The following DIDO1 variants were observed in gnomAD, a reference collection of about 807,000 sequenced individuals.
DIDO1 encodes the protein death-inducer obliterator 1.
DIDO1 carries 16 observed loss-of-function variants against 99.4 expected under a neutral mutation model. The observed-to-expected ratio is 0.16, with a 90% CI of 0.11 to 0.24. DIDO1 has a LOEUF of 0.24. Among genes scored for constraint, DIDO1 ranks in the 10% least tolerant of loss-of-function variants. The pLI, the probability that DIDO1 is intolerant of heterozygous loss-of-function variation, is 1.00. For missense variants in DIDO1, 2,996 were observed against 3,014.0 expected (o/e 0.99, Z 0.14); for synonymous variants, 1,366 against 1,239.1 (o/e 1.10, Z -2.15).
chr20:62,922,669 T>C (rs1274128014), intron 1 of DIDO1, among the ~76,000 whole-genome samples: 1 of 152,188 alleles, frequency 6.6e-6, no homozygotes. Context: ...CTGTGCCAAA[T>C]CATCTGCGGC....
intron 4 of DIDO1, 76 bp downstream of exon 4, chr20:62,909,622 AG>A: frequency 6.4e-7 from 1 of 1,556,238 alleles, no homozygotes; most frequent in Non-Finnish European, 8.7e-7. Flanking sequence ...CCGTCCTGGG[AG>A]GAATTTCTAT....
Position 62,895,106 on chromosome 20 carries a change from C to T in DIDO1, c.2274G>A (p.Lys758=). The change falls in exon 9 of 16, where the codon AAG becomes AAA. Residue 758 remains lysine (K), a synonymous_variant. Coordinates refer to ENST00000395343, the MANE Select transcript of DIDO1 (RefSeq NM_001193369.2). The part of the protein sequence containing the change: ...EISLAKLVRL[K]PEELVSKELS... ...GCTCTTTAGATACAAGTTCTTCTGG[C>T]TTCAGTCTCACAAGTTTCGCCAAAG... 1 of 1,612,096 alleles carries T rather than the reference C, an allele frequency of 6.2e-7. No homozygotes were observed. The highest frequency in any genetic ancestry group is 8.5e-7 in the Non-Finnish European group (1 of 1,178,270).
Position 62,879,879 on chromosome 20 carries a change from A to AG in DIDO1, c.6076dup (p.Leu2026ProfsTer67). On this transcript the variant is annotated frameshift_variant, in exon 16 of 16. Transcript: ENST00000395343. LOFTEE classifies it low-confidence loss of function (END_TRUNC). The surrounding 1 kb of genome is among the most constrained non-coding windows in gnomAD (Gnocchi z 6.3). The stretch of plus-strand genomic sequence containing the variant: ...CGGGGGGTGGCTGGGAAGCTCCAGC[A>AG]GGGGCCTGGGGCCCGGCTTCATCAC... 2 of 1,591,304 alleles carry AG rather than the reference A, an allele frequency of 1.3e-6. No homozygotes were observed. The highest frequency in any genetic ancestry group is 1.7e-6 in the Non-Finnish European group (2 of 1,170,494).
chr20:62,926,328 C>A (rs1023627311), intron 1 of DIDO1, 111 bp downstream of exon 1: 2 of 151,698 alleles, frequency 1.3e-5, no homozygotes, highest in African/African-American at 4.8e-5. Context: ...TGTGCGGGAT[C>A]CGCGGCTCTC....
Position 62,880,084 on chromosome 20 carries a change from C to T in DIDO1, c.5872G>A (p.Gly1958Ser). The T allele has an allele frequency of 6.2e-7, 1 of 1,612,206 alleles. No homozygotes were observed. The highest frequency in any genetic ancestry group is 1.1e-5 in the South Asian group (1 of 91,090). ...TGCTGAGGCTGAATGCCCCTGGGAC[C>T]TGGCATAAAGTTAGGCGCTTGGCCT... ...PRGQAPNFMP[G>S]PRGIQPQQFE... Residue 1958 changes from glycine (G) to serine (S), a missense_variant, in exon 16 of 16, where the codon GGT becomes AGT. Around this residue, in one of 5 missense-constraint regions of DIDO1, gnomAD observed 1,562 missense variants for 1,412.6 expected, o/e 1.11. Transcript: ENST00000395343.
intron 4 of DIDO1, among the ~76,000 whole-genome samples, chr20:62,907,974 T>C (rs566223415): frequency 6.6e-6 from 1 of 152,238 alleles, no homozygotes; most frequent in African/African-American, 2.4e-5. Flanking sequence ...CCAAATTGCA[T>C]GAAACATACT....
chr20:62,881,807 C>T lies in DIDO1; in HGVS notation c.4149G>A (p.Arg1383=). 2 of 1,613,544 alleles carry T rather than the reference C, an allele frequency of 1.2e-6. No homozygotes were observed. The highest frequency in any genetic ancestry group is 1.7e-6 in the Non-Finnish European group (2 of 1,180,016). ...CGTACTCCTCCTCAGGGTCGTATGG[C>T]CTGTCGTCCTCCTCTTCCTCTAGAG... is the stretch of plus-strand genomic sequence containing the variant. ...DKALEEEEDD[R]PYDPEEEYDP... is the part of the protein sequence containing the mutation. Residue 1383 remains arginine (R), a synonymous_variant, in exon 16 of 16, where the codon AGG becomes AGA. Transcript: ENST00000395343. This position sits in a 1 kb window ranked among gnomAD's most constrained non-coding sequence, Gnocchi z 8.3.
At chr20:62,934,189 T>G (rs2065359543) in intron 1 of DIDO1, among the ~76,000 whole-genome samples, 1 of 152,202 alleles carries the variant, frequency 6.6e-6, no homozygotes, top group African/African-American at 2.4e-5. Flanking sequence ...CCTGCTCTCC[T>G]GCACTCTTGG....
Position 62,894,299 on chromosome 20 carries a change from TG to T in DIDO1, c.2573-106del. On this transcript the variant is annotated intron_variant, in intron 11 of 15. Transcript: ENST00000395343. The surrounding 1 kb of genome is among the most constrained non-coding windows in gnomAD (Gnocchi z 4.4). Reference sequence around the variant, plus strand: ...CTAAAGGCAGGGCAGGAAATCATTCTGGCCCTTCTGCGTGTTTAAGCTTACG... The same window carrying T: ...CTAAAGGCAGGGCAGGAAATCATTCTGCCCTTCTGCGTGTTTAAGCTTACG... The T allele has an allele frequency of 1.9e-6, 3 of 1,571,340 alleles. No homozygotes were observed. The South Asian group carries it at 3.4e-5, about 18-fold the overall frequency.
chr20:62,917,127 A>G (rs761715263), intron 1 of DIDO1, among the ~76,000 whole-genome samples: 4 of 152,178 alleles, frequency 2.6e-5, no homozygotes, highest in Non-Finnish European at 4.4e-5. Flanking sequence ...GCCAGGCTCA[A>G]AGCGGTCTTC....
intron 15 of DIDO1, chr20:62,887,207 G>A (rs1382898464): frequency 3.0e-6 from 3 of 985,356 alleles, no homozygotes; most frequent in Non-Finnish European, 3.6e-6. Context: ...AAACAAACAA[G>A]GACCAGTTTC....
chr20:62,893,166 C>G lies in DIDO1; in HGVS notation c.3102-204G>C, dbSNP rs149908334. ...TCAGCCTTTCAAGTAGCTGGGACTACACGCGTGCATTACCACACCTAGCTA... is the reference window on the plus strand; with the variant it reads ...TCAGCCTTTCAAGTAGCTGGGACTAGACGCGTGCATTACCACACCTAGCTA... On this transcript the variant is annotated intron_variant, in intron 12 of 15. Transcript: ENST00000395343. Among the ~76,000 whole-genome samples, 1,125 of 152,244 alleles carry G rather than the reference C, an allele frequency of 7.4e-3. 14 individuals are homozygous for G. Among genetic ancestry groups the G allele is most frequent in the African/African-American group, 0.026 (1,072 of 41,532 alleles).
rs1377790900 is a variant in DIDO1, at chr20:62,888,517, T to G, written c.3541+2443A>C. On this transcript the variant is annotated intron_variant, in intron 15 of 15. Transcript: ENST00000395343. ...TGACTCCAAGCTGCGCAGCACACGC[T>G]CACCCCTGACCACAGCTCTGTGGAG... 3.0e-6 allele frequency: 3 copies of G among 985,400 alleles called. No homozygotes were observed. The East Asian group carries it at 3.4e-4, about 112-fold the overall frequency. 61.0% of individuals were successfully genotyped at this position (985,400 alleles called of 1,614,324 possible).
chr20:62,914,917 G>A (rs1237947127), intron 1 of DIDO1, among the ~76,000 whole-genome samples: 1 of 152,174 alleles, frequency 6.6e-6, no homozygotes, highest in African/African-American at 2.4e-5. Flanking sequence ...TAATGTTTGT[G>A]ACGTACTAAA....
chr20:62,880,313 G>A lies in DIDO1; in HGVS notation c.5643C>T (p.Ser1881=), dbSNP rs1204760813. 1 of 1,612,720 alleles carries A rather than the reference G, an allele frequency of 6.2e-7. No homozygotes were observed. Among genetic ancestry groups the A allele is most frequent in the Non-Finnish European group, 8.5e-7 (1 of 1,180,014 alleles). The change falls in exon 16 of 16, where the codon AGC becomes AGT. Residue 1881 remains serine, a synonymous_variant. Coordinates refer to ENST00000395343, the MANE Select transcript of DIDO1 (RefSeq NM_001193369.2). ...CGAACTGGAAAGGCGCGCCGCCTCT[G>A]CTTCCCAGAAATGGGGCTTGCTCTG... ...EGTEQAPFLG[S]RGGAPFQFGG... is the part of the protein sequence containing the mutation.
intron 6 of DIDO1, among the ~76,000 whole-genome samples, chr20:62,904,303 A>G (rs1568859380): frequency 6.6e-6 from 1 of 152,218 alleles, no homozygotes; most frequent in Non-Finnish European, 1.5e-5. Flanking sequence ...TCTGATGAAC[A>G]TTTGAGACAT....
chr20:62,900,488 T>C (rs1448577390), intron 6 of DIDO1, among the ~76,000 whole-genome samples: 1 of 152,076 alleles, frequency 6.6e-6, no homozygotes, highest in African/African-American at 2.4e-5. Flanking sequence ...CACTGGAGGA[T>C]GGTGCTACTC....
intron 5 of DIDO1, among the ~76,000 whole-genome samples, chr20:62,906,711 TAACAC>T (rs777977651): frequency 0.55 from 82,762 of 151,612 alleles, 24,026 homozygotes; most frequent in African/African-American, 0.75. Flanking sequence ...ACATTCCAAA[TAACAC>T]GGAGTTCTTT....
At position 62,896,646 on chromosome 20, in the gene DIDO1, G is replaced by C; in HGVS notation, c.1939C>G (p.Pro647Ala). The change falls in exon 7 of 16, where the codon CCA becomes GCA. Residue 647 changes from proline to alanine, a missense_variant. This residue lies in a region of DIDO1 where 898 missense variants were observed against 972.7 expected (regional missense o/e 0.92). Coordinates refer to ENST00000395343, the MANE Select transcript of DIDO1 (RefSeq NM_001193369.2). The surrounding 1 kb of genome is among the most constrained non-coding windows in gnomAD (Gnocchi z 4.4). ...CGTCCTGGGGCTGGCGAGGCCATTG[G>C]AACAGAAGGTACCACTGGCTTCCTT... ...AVRKPVVPSV[P>A]MASPAPGRLG... 6.2e-7 allele frequency: 1 copy of C among 1,614,176 alleles called. No individual in the cohort carries two copies. The highest frequency in any genetic ancestry group is 8.5e-7 in the Non-Finnish European group (1 of 1,180,026).
Sources: gnomAD v4.1 joint callset for allele counts (sites outside exome capture counted in the v4.1 genomes callset) on GRCh38, gnomAD v4.1.1 for gene constraint, gnomAD v4.1.1 regional missense constraint, Gnocchi (gnomAD v3.1) non-coding constraint, MANE v1.5 for transcripts, NCBI Gene and HGNC (gene_info 2026-07-23, HGNC 2026-07-21) for gene names.